AOPEP: variants seen among roughly 807,000 people sequenced by gnomAD.
AOPEP encodes aminopeptidase O.
AOPEP carries 77 observed loss-of-function variants against 98.1 expected under a neutral mutation model. The observed-to-expected ratio is 0.78, with a 90% CI of 0.65 to 0.95. AOPEP has a LOEUF of 0.95. Ranked by LOEUF, AOPEP falls within the 40% of genes least tolerant of loss-of-function variation. AOPEP has a pLI of 0.00. For synonymous variants in AOPEP, 346 were observed against 365.3 expected (o/e 0.95, Z 0.60); for missense variants, 1,024 against 1,024.7 (o/e 1.00, Z 0.01).
intron 13 of AOPEP, among the ~76,000 whole-genome samples, chr9:95,011,829 A>C (rs939211760): frequency 6.6e-6 from 1 of 152,190 alleles, no homozygotes; most frequent in African/African-American, 2.4e-5. Flanking sequence ...AAAACAAAAA[A>C]AATCTATAGT....
At chr9:95,130,065 G>A in the AOPEP span, among the ~76,000 whole-genome samples, 1 of 152,164 alleles carries the variant, frequency 6.6e-6, no homozygotes, top group African/African-American at 2.4e-5. Flanking sequence ...TGCCTGTTTT[G>A]GAAGAGAGGC....
intron 9 of AOPEP, among the ~76,000 whole-genome samples, chr9:94,963,791 A>G (rs566021695): frequency 6.6e-6 from 1 of 152,376 alleles, no homozygotes; most frequent in African/African-American, 2.4e-5. Flanking sequence ...AATACACTGT[A>G]GGAAAGAAAG....
intron 10 of AOPEP, among the ~76,000 whole-genome samples, chr9:94,970,253 G>T (rs191944714): frequency 6.6e-6 from 1 of 152,214 alleles, no homozygotes; most frequent in East Asian, 1.9e-4. Context: ...GGAATTATCA[G>T]ACCAGGGCAG....
At chr9:94,912,724 C>T (rs901558717) in intron 5 of AOPEP, among the ~76,000 whole-genome samples, 19 of 152,274 alleles carry the variant, frequency 1.2e-4, no homozygotes, top group South Asian at 4.1e-4. Context: ...TGAAAGGGAT[C>T]GTTGTTGCTG....
chr9:94,993,918 T>A (rs190492347), intron 11 of AOPEP, among the ~76,000 whole-genome samples: 2 of 152,258 alleles, frequency 1.3e-5, no homozygotes, highest in Admixed American at 1.3e-4. Context: ...AGATAACCCC[T>A]CCATTCCTGG....
chr9:94,961,556 T>C (rs1030569124), intron 9 of AOPEP, among the ~76,000 whole-genome samples: 1 of 152,222 alleles, frequency 6.6e-6, no homozygotes, highest in African/African-American at 2.4e-5. Flanking sequence ...TTAATGTCTG[T>C]TCTTTTCCTT....
At chr9:94,997,703 GTTTT>G (rs1004413827) in intron 11 of AOPEP, among the ~76,000 whole-genome samples, 1 of 151,710 alleles carries the variant, frequency 6.6e-6, no homozygotes, top group Non-Finnish European at 1.5e-5. Flanking sequence ...GTGAAATTTT[GTTTT>G]TTTTGAGACA....
the AOPEP span, chr9:95,149,897 G>A: frequency 6.3e-7 from 1 of 1,577,536 alleles, no homozygotes; most frequent in Non-Finnish European, 8.6e-7. Context: ...AACGACGCAG[G>A]ATGACAGGAA....
At chr9:95,013,919 G>A (rs2062771914) in intron 13 of AOPEP, among the ~76,000 whole-genome samples, 1 of 152,030 alleles carries the variant, frequency 6.6e-6, no homozygotes, top group Admixed American at 6.6e-5. Flanking sequence ...AATAATTTTA[G>A]TTTAATATGT....
At chr9:95,005,134 T>G in intron 11 of AOPEP, 24 bp from the exon 12 acceptor site, 1 of 1,125,316 alleles carries the variant, frequency 8.9e-7, no homozygotes, top group Non-Finnish European at 1.1e-6. Context: ...GCGGTAAACT[T>G]GACTGTGTCC....
intron 14 of AOPEP, among the ~76,000 whole-genome samples, chr9:95,069,692 G>A (rs952144685): frequency 4.6e-5 from 7 of 152,224 alleles, no homozygotes; most frequent in East Asian, 1.9e-4. Flanking sequence ...CATACTTGAC[G>A]TTTGTATTTG....
chr9:95,107,444 G>A, the AOPEP span: 12 of 689,732 alleles, frequency 1.7e-5, no homozygotes, highest in East Asian at 2.2e-4. Flanking sequence ...CCAAATGGGC[G>A]GAATGGAAAT....
Position 94,733,374 on chromosome 9 carries a change from G to A in AOPEP, c.-136+6623G>A, listed in dbSNP as rs1337810369. The stretch of plus-strand genomic sequence containing the variant: ...CCACCTGCCTTGACCTTCAAAGTGC[G>A]GGGATTACAAGTGTGAGCCACTGCA... On this transcript the variant is annotated intron_variant, in intron 1 of 16. Coordinates refer to ENST00000375315, the MANE Select transcript of AOPEP (RefSeq NM_001193329.3). 2.0e-5 allele frequency among the ~76,000 whole-genome samples: 3 copies of A among 152,130 alleles called. 1 individual carries two copies. Among genetic ancestry groups the A allele is most frequent in the South Asian group, 4.1e-4 (2 of 4,822 alleles).
chr9:95,080,829 C>T, intron 15 of AOPEP, 49 bp downstream of exon 15: 1 of 1,209,770 alleles, frequency 8.3e-7, no homozygotes, highest in Non-Finnish European at 1.2e-6. Flanking sequence ...GCTGTCCCTG[C>T]ACTTCACACA....
At chr9:95,112,037 T>A in the AOPEP span, among the ~76,000 whole-genome samples, 2 of 152,334 alleles carry the variant, frequency 1.3e-5, no homozygotes, top group Non-Finnish European at 2.9e-5. Context: ...ACATGGGCTA[T>A]TTCCCTTCTG....
At chr9:94,920,775 A>G (rs1279635903) in intron 5 of AOPEP, among the ~76,000 whole-genome samples, 1 of 152,206 alleles carries the variant, frequency 6.6e-6, no homozygotes, top group Non-Finnish European at 1.5e-5. Context: ...GCCTTGAGAA[A>G]GTGTTTTCAG....
chr9:95,013,926 A>G (rs2062772474), intron 13 of AOPEP, among the ~76,000 whole-genome samples: 1 of 152,114 alleles, frequency 6.6e-6, no homozygotes, highest in South Asian at 2.1e-4. Flanking sequence ...TTAGTTTAAT[A>G]TGTCTCATTG....
At chr9:95,100,999 A>T in the AOPEP span, 1 of 233,486 alleles carries the variant, frequency 4.3e-6, no homozygotes, top group East Asian at 6.0e-5. Context: ...AACTGAATTA[A>T]TCCTGCCTTC....
In AOPEP at chr9:95,039,539, C is replaced by G. The variant is rs187101489; in HGVS notation, c.2116-21155C>G. On this transcript the variant is annotated intron_variant, in intron 13 of 16. Transcript: ENST00000375315. ...AGTAAGCTGTGTTCACACCACTGCACTCCAACCTGGGTGACAGAGTGAGAC... is the reference window on the plus strand; with the variant it reads ...AGTAAGCTGTGTTCACACCACTGCAGTCCAACCTGGGTGACAGAGTGAGAC... Among the ~76,000 whole-genome samples, 5 of 152,328 alleles carry G rather than the reference C, an allele frequency of 3.3e-5. No individual in the cohort carries two copies. In the East Asian group the frequency reaches 7.7e-4, roughly 24 times the overall value.
Sources: gnomAD v4.1 joint callset for allele counts (sites outside exome capture counted in the v4.1 genomes callset) on GRCh38, gnomAD v4.1.1 for gene constraint, MANE v1.5 for transcripts, NCBI Gene and HGNC (gene_info 2026-07-23, HGNC 2026-07-21) for gene names.